PCF11: variants seen among roughly 807,000 people sequenced by gnomAD.
PCF11 encodes pre-mRNA cleavage complex 2 protein Pcf11.
Under a neutral mutation model 166.1 loss-of-function variants are expected in PCF11, and 19 were observed. That is an observed-to-expected ratio of 0.11 (90% CI 0.08 to 0.17). The LOEUF (loss-of-function observed/expected upper bound fraction) is 0.17, where lower values mean the gene tolerates loss of function less well. Among genes scored for constraint, PCF11 ranks in the 10% least tolerant of loss-of-function variants. The pLI, the probability that PCF11 is intolerant of heterozygous loss-of-function variation, is 1.00. For missense variants in PCF11, 1,565 were observed against 1,855.5 expected, an observed-to-expected ratio of 0.84 and a Z score of 2.88; for synonymous variants, 663 against 644.1, an observed-to-expected ratio of 1.03 and a Z score of -0.44.
At chr11:83,187,047 T>A (rs1016186246) in exon 16 of PCF11, 7 of 152,382 alleles carry the variant, frequency 4.6e-5, no homozygotes, top group African/African-American at 1.4e-4. Flanking sequence ...TTTTTTCTTT[T>A]TTTGAGACAG....
At chr11:83,169,951 A>G in exon 8 of PCF11, 2 of 1,605,422 alleles carry the variant, frequency 1.2e-6, no homozygotes, top group Non-Finnish European at 1.7e-6. Context: ...CTTTGGCAAT[A>G]TACCTGCTCC....
At position 83,167,480 on chromosome 11, in the gene PCF11, T is replaced by C; in HGVS notation, c.2067T>C (p.Ile689=). The C allele has an allele frequency of 6.2e-7, 1 of 1,610,476 alleles. No individual in the cohort carries two copies. The highest frequency in any genetic ancestry group is 8.5e-7 in the Non-Finnish European group (1 of 1,178,692). The change falls in exon 7 of 16, where the codon ATT becomes ATC. Residue 689 remains isoleucine, a synonymous_variant. Coordinates refer to ENST00000298281, the Ensembl canonical transcript of PCF11. This position sits in a 1 kb window ranked among gnomAD's most constrained non-coding sequence, Gnocchi z 4.2. Reference sequence around the variant, plus strand: ...ACTTCCTTGTTGTTGTGCATCAAATTCGACAGCTATTTCAGTATCAAGAAG... The same window carrying C: ...ACTTCCTTGTTGTTGTGCATCAAATCCGACAGCTATTTCAGTATCAAGAAG...
chr11:83,166,745 G>A (rs1239375506), intron 5 of PCF11, 31 bp downstream of exon 5: 2 of 1,529,488 alleles, frequency 1.3e-6, no homozygotes, highest in African/African-American at 1.4e-5. Flanking sequence ...GTCAAGTGTA[G>A]TAGTGTATAT....
chr11:83,171,788 A>T (rs750899980), intron 8 of PCF11, 30 bp from the exon 9 acceptor site: 6 of 1,103,826 alleles, frequency 5.4e-6, no homozygotes, highest in Non-Finnish European at 8.4e-6. Context: ...TATAGAAAGC[A>T]TGTTCTTAAA....
chr11:83,169,624 C>A, exon 8 of PCF11: 1 of 1,613,926 alleles, frequency 6.2e-7, no homozygotes, highest in South Asian at 1.1e-5. Flanking sequence ...ATTTGATGGT[C>A]CACAACATCA....
In PCF11 at chr11:83,169,313, T is replaced by C. The variant is rs1215814035; in HGVS notation, c.2978T>C (p.Ile993Thr). ...CCACATGGTCAGCCAGGGGTTGGTA[T>C]CAGGTTTGAAGGCCCTTTAGTCCAA... Residue 993 changes from isoleucine to threonine, a missense_variant, in exon 8 of 16, where the codon ATC becomes ACC. Around this residue, in one of 12 missense-constraint regions of PCF11, gnomAD observed 725 missense variants for 749.3 expected, o/e 0.97. Transcript: ENST00000298281. 1.2e-6 allele frequency: 2 copies of C among 1,611,810 alleles called. No homozygotes were observed. The highest frequency in any genetic ancestry group is 2.7e-5 in the African/African-American group (2 of 74,656).
exon 8 of PCF11, chr11:83,168,490 G>A (rs1258790921): frequency 6.2e-7 from 1 of 1,613,432 alleles, no homozygotes; most frequent in Non-Finnish European, 8.5e-7. Flanking sequence ...ACCTCGATAT[G>A]AAGATTCAGA....
intron 1 of PCF11, chr11:83,157,935 T>TAA: frequency 3.1e-6 from 1 of 325,996 alleles, no homozygotes; most frequent in South Asian, 5.8e-5. Flanking sequence ...GGGGGAGACT[T>TAA]AAAGGCAGTT....
chr11:83,170,519 G>A (rs1860650523), intron 8 of PCF11, among the ~76,000 whole-genome samples: 1 of 151,950 alleles, frequency 6.6e-6, no homozygotes. Context: ...AAACACAATT[G>A]TTTGATATTA....
At chr11:83,169,071 A>G (rs375916746) in exon 8 of PCF11, 27 of 1,613,154 alleles carry the variant, frequency 1.7e-5, no homozygotes, top group Non-Finnish European at 2.2e-5. Flanking sequence ...GTCAGCCTGT[A>G]GGTGGACTTA....
chr11:83,162,502 C>T (rs1860296759), intron 2 of PCF11, among the ~76,000 whole-genome samples: 2 of 152,228 alleles, frequency 1.3e-5, no homozygotes, highest in African/African-American at 4.8e-5. Context: ...TTGCTGAATA[C>T]TGCTAACCAG....
chr11:83,177,304 A>T, intron 10 of PCF11, 100 bp downstream of exon 10: 1 of 875,086 alleles, frequency 1.1e-6, no homozygotes, highest in Non-Finnish European at 1.6e-6. Context: ...GGTCCTTACA[A>T]TAATTGAATT....
In PCF11 at chr11:83,182,066, G is replaced by A. The variant is rs553335246; in HGVS notation, c.4323+57G>A. 1,419 of 1,393,054 alleles carry A rather than the reference G, an allele frequency of 1.0e-3. 2 individuals carry two copies. Among genetic ancestry groups the A allele is most frequent in the Non-Finnish European group, 1.3e-3 (1,328 of 1,018,908 alleles). The allele number at this position is 1,393,054 out of a possible 1,614,324, so 86.3% of individuals were successfully genotyped here. On this transcript the variant is annotated intron_variant, in intron 13 of 15. Coordinates refer to ENST00000298281, the Ensembl canonical transcript of PCF11. ...TGGGAGTGTCCCTCACTTCCTTTAT[G>A]TAAATACTCATAAACACATCACTAT...
chr11:83,176,964 A>G lies in PCF11; in HGVS notation c.3758-121A>G, dbSNP rs12275555. ...CTTATTAATAAATTAGATTTTGTCAAATTTACTGTTGGCAGGACATCTTGA... is the reference window on the plus strand; with the variant it reads ...CTTATTAATAAATTAGATTTTGTCAGATTTACTGTTGGCAGGACATCTTGA... On this transcript the variant is annotated intron_variant, in intron 9 of 15. Coordinates refer to ENST00000298281, the Ensembl canonical transcript of PCF11. 18,316 of 574,620 alleles carry G rather than the reference A, an allele frequency of 0.032. 699 individuals carry two copies. Among genetic ancestry groups the G allele is most frequent in the African/African-American group, 0.13 (6,889 of 51,544 alleles). 35.6% of individuals were successfully genotyped at this position (574,620 alleles called of 1,614,324 possible).
At chr11:83,181,943 A>C in exon 13 of PCF11, 3 of 1,613,006 alleles carry the variant, frequency 1.9e-6, no homozygotes, top group Non-Finnish European at 2.5e-6. Context: ...TTGTGCTCAA[A>C]ACTCAAGAGG....
rs372080573 is a variant in PCF11, at chr11:83,177,802, A to T, written c.3966A>T (p.Thr1322=). 1,758 of 1,502,066 alleles carry T rather than the reference A, an allele frequency of 1.2e-3. 2 individuals carry two copies. The highest frequency in any genetic ancestry group is 2.1e-3 in the Middle Eastern group (12 of 5,836). 93.0% of individuals were successfully genotyped at this position (1,502,066 alleles called of 1,614,324 possible). A position where few individuals can be genotyped will look rare whatever the true frequency, so the allele number is the denominator to read the frequency against. Residue 1322 remains threonine, a synonymous_variant, in exon 11 of 16, where the codon ACA becomes ACT. Transcript: ENST00000298281. ...ATGTTCCAGATCTTACTAATTTTAC[A>T]GTTGAAGAATTGAAACAGTATGTAA...
At chr11:83,182,157 CA>C (rs1590940194) in intron 13 of PCF11, 148 bp downstream of exon 13, 1 of 752,110 alleles carries the variant, frequency 1.3e-6, no homozygotes, top group Non-Finnish European at 2.0e-6. Flanking sequence ...TTTACTCTTA[CA>C]ATCTAGCTTT....
intron 15 of PCF11, among the ~76,000 whole-genome samples, chr11:83,183,770 G>A (rs968567752): frequency 2.0e-5 from 3 of 151,902 alleles, no homozygotes; most frequent in Non-Finnish European, 4.4e-5. Context: ...GATTATAGGC[G>A]TGAGCCACCG....
intron 10 of PCF11, 119 bp downstream of exon 10, chr11:83,177,323 T>A: frequency 1.3e-6 from 1 of 757,406 alleles, no homozygotes; most frequent in Non-Finnish European, 1.9e-6. Context: ...TTCCTAGGTA[T>A]AGCTTTTATT....
Sources: allele counts gnomAD v4.1 joint callset (sites outside exome capture counted in the v4.1 genomes callset), GRCh38; gene constraint gnomAD v4.1.1; regional missense constraint gnomAD v4.1.1; non-coding constraint Gnocchi (gnomAD v3.1); transcripts MANE v1.5; gene names NCBI Gene and HGNC (gene_info 2026-07-23, HGNC 2026-07-21).